PKP4: variants seen among roughly 807,000 people sequenced by gnomAD.
PKP4 encodes plakophilin-4.
In PKP4, 90 loss-of-function variants were observed where a neutral mutation model predicts 145.1. The observed-to-expected ratio is 0.62, with a 90% confidence interval of 0.52 to 0.74. PKP4 has a LOEUF of 0.74. Among genes scored for constraint, PKP4 ranks in the 30% least tolerant of loss-of-function variants. The probability of loss-of-function intolerance (pLI) is 0.00; values close to 1 mark genes in which losing one functional copy is unlikely to be tolerated. For synonymous variants in PKP4, 563 were observed against 577.2 expected, an observed-to-expected ratio of 0.98 and a Z score of 0.35; for missense variants, 1,340 against 1,482.7, an observed-to-expected ratio of 0.90 and a Z score of 1.58.
chr2:158,600,186 C>T (rs1463193045), intron 3 of PKP4, among the ~76,000 whole-genome samples: 3 of 152,166 alleles, frequency 2.0e-5, no homozygotes, highest in African/African-American at 7.2e-5. Context: ...GACTGGACAG[C>T]CCCAAGGTTA....
intron 1 of PKP4, among the ~76,000 whole-genome samples, chr2:158,521,888 T>C (rs1251881717): frequency 6.6e-6 from 1 of 152,248 alleles, no homozygotes; most frequent in Non-Finnish European, 1.5e-5. Context: ...ATGCTTATTT[T>C]CTACACTTTT....
chr2:158,468,564 T>C (rs554711474), intron 1 of PKP4, among the ~76,000 whole-genome samples: 3 of 152,206 alleles, frequency 2.0e-5, no homozygotes, highest in Admixed American at 6.5e-5. Context: ...TATATGATCA[T>C]AGGTAATATT....
At chr2:158,679,377 C>T (rs189308201) in intron 21 of PKP4, 4 of 152,266 alleles carry the variant, frequency 2.6e-5, no homozygotes, top group African/African-American at 7.2e-5. Flanking sequence ...CTCTCCTTCT[C>T]GTCATCTTTT....
chr2:158,547,678 A>G (rs941319965), intron 2 of PKP4, among the ~76,000 whole-genome samples: 1 of 152,216 alleles, frequency 6.6e-6, no homozygotes, highest in Non-Finnish European at 1.5e-5. Context: ...ATATCTCAAT[A>G]AAGTTGACTT....
chr2:158,670,030 A>T, intron 17 of PKP4, 115 bp downstream of exon 17: 1 of 814,534 alleles, frequency 1.2e-6, no homozygotes, highest in Non-Finnish European at 1.9e-6. Context: ...TGCATTTCTT[A>T]CATGCCGATA....
At chr2:158,496,791 T>C (rs1695796207) in intron 1 of PKP4, among the ~76,000 whole-genome samples, 1 of 100,430 alleles carries the variant, frequency 1.0e-5, no homozygotes, top group Admixed American at 9.6e-5. Context: ...TGTGTGTGTG[T>C]GTGTCTGTGT....
intron 4 of PKP4, among the ~76,000 whole-genome samples, chr2:158,607,084 A>G (rs2050719045): frequency 6.6e-6 from 1 of 152,224 alleles, no homozygotes; most frequent in South Asian, 2.1e-4. Context: ...GAAGAAAATT[A>G]TTTAAAGTAC....
rs753964303 is a variant in PKP4 at position 158,676,874 on chromosome 2, C to T, written c.3256+7C>T. 3.5e-5 allele frequency: 56 copies of T among 1,613,860 alleles called. No homozygotes were observed. Among genetic ancestry groups the T allele is most frequent in the East Asian group, 1.6e-4 (7 of 44,856 alleles). On this transcript the variant is annotated splice_region_variant and intron_variant, in intron 20 of 21. Coordinates refer to ENST00000389759, the MANE Select transcript of PKP4 (RefSeq NM_003628.6). ...CATAAAGGCCTGTACCCTGGTAAGA[C>T]GCCAGTTGGGTGTGTGATACAGTCT...
rs114336956 is a variant in PKP4, at chr2:158,505,242, G to A, written c.-5-27938G>A. ...CTGCCATAGGCATGCTGAATATCTG[G>A]GAGGAAACCCTGTTGATGACTGGGA... On this transcript the variant is annotated intron_variant, in intron 1 of 21. Transcript: ENST00000389759. Among the ~76,000 whole-genome samples the A allele has an allele frequency of 2.9e-3, 436 of 152,268 alleles. 2 individuals carry two copies. Among genetic ancestry groups the A allele is most frequent in the African/African-American group, 9.3e-3 (385 of 41,548 alleles).
At chr2:158,514,937 T>C (rs1261220421) in intron 1 of PKP4, among the ~76,000 whole-genome samples, 1 of 151,850 alleles carries the variant, frequency 6.6e-6, no homozygotes, top group East Asian at 1.9e-4. Flanking sequence ...TGAGACGCTG[T>C]CTCAAAAAAA....
Position 158,676,782 on chromosome 2 carries a change from C to A in PKP4, c.3171C>A (p.Asp1057Glu), listed in dbSNP as rs200073479. ...SSSPALLGIR[D>E]PRSEYDRTQP... ...CACCAGCACTGTTAGGAATCAGAGA[C>A]CCTCGCTCTGAATACGATAGGACCC... Residue 1057 changes from aspartate to glutamate, a missense_variant, in exon 20 of 22, where the codon GAC becomes GAA. Asp to Glu is a conservative substitution (Grantham distance 45). Transcript: ENST00000389759. The A allele has an allele frequency of 1.9e-4, 312 of 1,613,734 alleles. No homozygotes were observed. Among genetic ancestry groups the A allele is most frequent in the South Asian group, 6.1e-4 (56 of 91,078 alleles).
chr2:158,472,179 A>T (rs1016748306), intron 1 of PKP4, among the ~76,000 whole-genome samples: 1 of 152,234 alleles, frequency 6.6e-6, no homozygotes, highest in East Asian at 1.9e-4. Context: ...CAAAAATGAC[A>T]GCTATGTTAA....
At chr2:158,658,109 T>C in intron 11 of PKP4, 22 bp from the exon 12 acceptor site, 2 of 1,410,108 alleles carry the variant, frequency 1.4e-6, no homozygotes, top group South Asian at 1.2e-5. Context: ...ATTTGTTTGA[T>C]TTTTTAAATC....
intron 1 of PKP4, among the ~76,000 whole-genome samples, chr2:158,489,876 C>A (rs996563434): frequency 6.6e-6 from 1 of 152,116 alleles, no homozygotes; most frequent in African/African-American, 2.4e-5. Flanking sequence ...GTCTGGATTC[C>A]TCAAGTGTGG....
At chr2:158,482,843 G>A (rs1006297100) in intron 1 of PKP4, among the ~76,000 whole-genome samples, 4 of 151,862 alleles carry the variant, frequency 2.6e-5, no homozygotes, top group South Asian at 2.1e-4. Context: ...AAAAAAAAGA[G>A]GGGGGAAGGG....
intron 3 of PKP4, among the ~76,000 whole-genome samples, chr2:158,582,243 T>C (rs1377789006): frequency 6.6e-6 from 1 of 152,248 alleles, no homozygotes; most frequent in Non-Finnish European, 1.5e-5. Flanking sequence ...TGCATTTATA[T>C]TGAGTAGCAT....
intron 7 of PKP4, among the ~76,000 whole-genome samples, chr2:158,627,515 C>G (rs1054787005): frequency 1.3e-5 from 2 of 151,922 alleles, no homozygotes; most frequent in African/African-American, 4.8e-5. Flanking sequence ...TCTAGAAATA[C>G]TGCAGTGTTC....
chr2:158,565,634 A>G (rs1559332348), intron 2 of PKP4, among the ~76,000 whole-genome samples: 2 of 152,088 alleles, frequency 1.3e-5, no homozygotes, highest in Non-Finnish European at 2.9e-5. Context: ...AAACAGGGAC[A>G]TCAAATATGG....
chr2:158,499,336 G>T (rs1318610080), intron 1 of PKP4, among the ~76,000 whole-genome samples: 1 of 152,060 alleles, frequency 6.6e-6, no homozygotes, highest in Non-Finnish European at 1.5e-5. Flanking sequence ...TGAACCCAGA[G>T]CAGTCCCAAC....
Sources: gnomAD v4.1 joint callset for allele counts (sites outside exome capture counted in the v4.1 genomes callset) on GRCh38, gnomAD v4.1.1 for gene constraint, MANE v1.5 for transcripts, NCBI Gene and HGNC (gene_info 2026-07-23, HGNC 2026-07-21) for gene names.